The following SIPA1L1 variants were observed in gnomAD, a reference collection of about 807,000 sequenced individuals.
The protein encoded by SIPA1L1 is signal induced proliferation associated 1 like 1, also known as signal-induced proliferation-associated 1-like protein 1.
In SIPA1L1, 26 loss-of-function variants were observed where a neutral mutation model predicts 162.7. That is an observed-to-expected ratio of 0.16 (90% CI 0.12 to 0.22). The LOEUF (loss-of-function observed/expected upper bound fraction) is 0.22, where lower values mean the gene tolerates loss of function less well. Ranked by LOEUF, SIPA1L1 falls within the 10% of genes least tolerant of loss-of-function variation. The probability of loss-of-function intolerance (pLI) is 1.00; values close to 1 mark genes in which losing one functional copy is unlikely to be tolerated. For synonymous variants in SIPA1L1, 829 were observed against 837.4 expected, an observed-to-expected ratio of 0.99 and a Z score of 0.17; for missense variants, 1,874 against 2,241.0, an observed-to-expected ratio of 0.84 and a Z score of 3.31.
chr14:71,702,693 A>T (rs2082176051), intron 15 of SIPA1L1, among the ~76,000 whole-genome samples, 188 bp downstream of exon 15: 1 of 152,228 alleles, frequency 6.6e-6, no homozygotes, highest in Admixed American at 6.5e-5. Context: ...AGGAATTCTA[A>T]GTGACCCCAA....
intron 5 of SIPA1L1, among the ~76,000 whole-genome samples, chr14:71,593,633 C>T (rs942983574): frequency 3.3e-5 from 5 of 152,152 alleles, no homozygotes; most frequent in Non-Finnish European, 4.4e-5. Context: ...GAGGAGGAGA[C>T]CCTTTCCAAG....
chr14:71,634,056 C>CA lies in SIPA1L1; in HGVS notation c.1818+9834dup, dbSNP rs554210948. Among the ~76,000 whole-genome samples the CA allele has an allele frequency of 7.9e-3, 953 of 121,122 alleles. 3 individuals are homozygous for CA. The highest frequency in any genetic ancestry group is 0.026 in the Middle Eastern group (6 of 228). 79.5% of individuals were successfully genotyped at this position (121,122 alleles called of 152,430 possible). ...TAGTAAAATTTTTGAACACTAAATACAAAAAAAAAAAAAACTTGAAAGAAG... is the reference window on the plus strand; with the variant it reads ...TAGTAAAATTTTTGAACACTAAATACAAAAAAAAAAAAAAACTTGAAAGAAG... On this transcript the variant is annotated intron_variant, in intron 7 of 23. Transcript: ENST00000381232.
At chr14:71,631,039 C>G (rs1306038383) in intron 7 of SIPA1L1, among the ~76,000 whole-genome samples, 2 of 152,106 alleles carry the variant, frequency 1.3e-5, no homozygotes, top group Non-Finnish European at 2.9e-5. Flanking sequence ...CAGCCCCTGA[C>G]AGGCCTGTGT....
intron 10 of SIPA1L1, among the ~76,000 whole-genome samples, 194 bp downstream of exon 10, chr14:71,661,661 G>T (rs2043527861): frequency 6.6e-6 from 1 of 152,168 alleles, no homozygotes. Context: ...CAAGCATGTT[G>T]GTTAGACACC....
intron 2 of SIPA1L1, among the ~76,000 whole-genome samples, chr14:71,392,509 C>G (rs1243239337): frequency 6.6e-6 from 1 of 152,182 alleles, no homozygotes; most frequent in Admixed American, 6.5e-5. Context: ...TACTTCATAA[C>G]ACATACCTCT....
chr14:71,539,065 G>A (rs138987294), intron 4 of SIPA1L1, among the ~76,000 whole-genome samples: 157 of 152,168 alleles, frequency 1.0e-3, no homozygotes, highest in African/African-American at 3.5e-3. Context: ...GATTTCCTTC[G>A]TTTTTTCCTC....
In SIPA1L1 at chr14:71,509,676, G is replaced by A. The variant is rs1184784905; in HGVS notation, c.-464-3067G>A. On this transcript the variant is annotated intron_variant, in intron 2 of 23. Coordinates refer to ENST00000381232, the MANE Select transcript of SIPA1L1 (RefSeq NM_001386936.1). ...GGAGAATTGCTTGAACCCGGGAGGC[G>A]GAGGTTGCAGTGAACTGAGATCACG... is the stretch of plus-strand genomic sequence containing the variant. 4.0e-5 allele frequency among the ~76,000 whole-genome samples: 6 copies of A among 151,520 alleles called. No homozygotes were observed. In the South Asian group the frequency reaches 6.2e-4, roughly 16 times the overall value.
At chr14:71,443,790 G>T (rs903341470) in intron 2 of SIPA1L1, among the ~76,000 whole-genome samples, 1 of 152,192 alleles carries the variant, frequency 6.6e-6, no homozygotes, top group African/African-American at 2.4e-5. Flanking sequence ...ACTTTTCTGA[G>T]AAATAAAGGA....
At chr14:71,726,625 T>C (rs773133649) in intron 19 of SIPA1L1, among the ~76,000 whole-genome samples, 2 of 152,222 alleles carry the variant, frequency 1.3e-5, no homozygotes, top group Non-Finnish European at 2.9e-5. Flanking sequence ...GGAGTGTGCT[T>C]TCTTTATGTT....
chr14:71,334,315 A>G (rs556247882), intron 2 of SIPA1L1, among the ~76,000 whole-genome samples: 1 of 152,342 alleles, frequency 6.6e-6, no homozygotes, highest in South Asian at 2.1e-4. Flanking sequence ...ACTGGCTACC[A>G]TCTTGTGTCC....
chr14:71,680,630 A>G (rs530320605), intron 12 of SIPA1L1, among the ~76,000 whole-genome samples: 158 of 152,340 alleles, frequency 1.0e-3, no homozygotes, highest in African/African-American at 3.6e-3. Flanking sequence ...CAAAAAATCA[A>G]TGAATCCAAG....
Position 71,738,249 on chromosome 14 carries a change from A to G in SIPA1L1, c.5132A>G (p.Asp1711Gly), listed in dbSNP as rs2085492172. The G allele has an allele frequency of 4.4e-6, 7 of 1,608,464 alleles. No individual in the cohort carries two copies. In the East Asian group the frequency reaches 1.3e-4, roughly 31 times the overall value. Reference sequence around the variant, plus strand: ...TTGTTTCTTGTTCCCAGCAGTAAAGACTCCTCTCCCACTCTGGCTTCTAAA... The same window carrying G: ...TTGTTTCTTGTTCCCAGCAGTAAAGGCTCCTCTCCCACTCTGGCTTCTAAA... ...AQMKPYSSSKDSSPTLASKVD... is the reference protein window; with the variant it reads ...AQMKPYSSSKGSSPTLASKVD... The change falls in exon 23 of 24, where the codon GAC (aspartate) becomes GGC (glycine). Residue 1711 changes from aspartate to glycine, a missense_variant. Transcript: ENST00000381232.
At chr14:71,573,169 C>T (rs2032399284) in intron 4 of SIPA1L1, among the ~76,000 whole-genome samples, 1 of 152,174 alleles carries the variant, frequency 6.6e-6, no homozygotes, top group Non-Finnish European at 1.5e-5. Flanking sequence ...CTTTATATGC[C>T]TGTGGTACTA....
chr14:71,456,394 C>T (rs984851459), intron 2 of SIPA1L1, among the ~76,000 whole-genome samples: 6 of 152,188 alleles, frequency 3.9e-5, no homozygotes, highest in Admixed American at 3.3e-4. Context: ...AAAATACAAC[C>T]CTATCAATTT....
intron 2 of SIPA1L1, among the ~76,000 whole-genome samples, chr14:71,345,747 T>TA (rs1168083615): frequency 6.6e-6 from 1 of 151,656 alleles, no homozygotes; most frequent in African/African-American, 2.4e-5. Flanking sequence ...TTTTTGTATT[T>TA]TTAGTAGAGA....
intron 2 of SIPA1L1, among the ~76,000 whole-genome samples, chr14:71,474,007 T>A (rs1258655582): frequency 6.6e-6 from 1 of 152,244 alleles, no homozygotes; most frequent in African/African-American, 2.4e-5. Flanking sequence ...ACTTCCATAG[T>A]GCAAAGGGTC....
At chr14:71,504,041 G>T (rs548077612) in intron 2 of SIPA1L1, 1 of 152,046 alleles carries the variant, frequency 6.6e-6, no homozygotes, top group Non-Finnish European at 1.5e-5. Flanking sequence ...CTGGCCTCAA[G>T]CGATCTATCT....
At chr14:71,706,876 A>G (rs1166188045) in intron 16 of SIPA1L1, among the ~76,000 whole-genome samples, 2 of 152,010 alleles carry the variant, frequency 1.3e-5, no homozygotes, top group African/African-American at 4.8e-5. Context: ...TACTAAAAAT[A>G]CAAGAAATTA....
At chr14:71,327,359 C>G (rs1318050180) in intron 2 of SIPA1L1, among the ~76,000 whole-genome samples, 1 of 152,234 alleles carries the variant, frequency 6.6e-6, no homozygotes, top group Non-Finnish European at 1.5e-5. Flanking sequence ...GCTGGGATTA[C>G]AGGCATGAGC....
Sources: allele counts gnomAD v4.1 joint callset (sites outside exome capture counted in the v4.1 genomes callset), GRCh38; gene constraint gnomAD v4.1.1; transcripts MANE v1.5; gene names NCBI Gene and HGNC (gene_info 2026-07-23, HGNC 2026-07-21).